The following FNDC3A variants were observed in gnomAD, a reference collection of about 807,000 sequenced individuals.
FNDC3A encodes the protein fibronectin type-III domain-containing protein 3A.
Under a neutral mutation model 148.9 loss-of-function variants are expected in FNDC3A, and 32 were observed. That is an observed-to-expected ratio of 0.21 (90% CI 0.16 to 0.29). The LOEUF (loss-of-function observed/expected upper bound fraction) is 0.29, where lower values mean the gene tolerates loss of function less well. Ranked by LOEUF, FNDC3A falls within the 10% of genes least tolerant of loss-of-function variation. FNDC3A has a pLI of 1.00. For missense variants in FNDC3A, 1,191 were observed against 1,452.8 expected (o/e 0.82, Z 2.93); for synonymous variants, 472 against 473.6 (o/e 1.00, Z 0.04).
chr13:49,019,511 C>T (rs1873148930), intron 2 of FNDC3A, among the ~76,000 whole-genome samples: 2 of 152,318 alleles, frequency 1.3e-5, no homozygotes, highest in Admixed American at 1.3e-4. Context: ...CTGGCACTCC[C>T]TAGTGAGATG....
chr13:49,200,946 T>C (rs1886391937), intron 23 of FNDC3A, among the ~76,000 whole-genome samples: 2 of 151,994 alleles, frequency 1.3e-5, no homozygotes, highest in Non-Finnish European at 2.9e-5. Context: ...TACCACTATT[T>C]TTTTTTCCTG....
chr13:49,021,723 C>T (rs77025225), intron 2 of FNDC3A, among the ~76,000 whole-genome samples: 7 of 152,236 alleles, frequency 4.6e-5, no homozygotes, highest in Middle Eastern at 3.4e-3. Flanking sequence ...TGACGATTTA[C>T]GCCTGTGTTC....
chr13:49,156,147 G>C (rs1883662090), intron 8 of FNDC3A, among the ~76,000 whole-genome samples: 2 of 148,344 alleles, frequency 1.3e-5, no homozygotes, highest in Admixed American at 6.7e-5. Context: ...ATTAATGTGT[G>C]GGAGTCTAAG....
chr13:48,994,492 G>T (rs1951984817), intron 1 of FNDC3A, among the ~76,000 whole-genome samples: 1 of 152,142 alleles, frequency 6.6e-6, no homozygotes, highest in African/African-American at 2.4e-5. Context: ...TGAAATATTT[G>T]CTGTGGTTGA....
intron 2 of FNDC3A, among the ~76,000 whole-genome samples, chr13:49,017,177 G>T (rs1272000215): frequency 6.6e-6 from 1 of 151,986 alleles, no homozygotes; most frequent in Non-Finnish European, 1.5e-5. Context: ...CTGTCTCGTT[G>T]ATCTGTCTAA....
At chr13:48,987,305 A>G (rs1951825176) in intron 1 of FNDC3A, among the ~76,000 whole-genome samples, 1 of 152,212 alleles carries the variant, frequency 6.6e-6, no homozygotes, top group Non-Finnish European at 1.5e-5. Flanking sequence ...TGTGCACACT[A>G]TCAGTCCTTT....
chr13:49,111,244 A>G (rs750207632), intron 3 of FNDC3A, among the ~76,000 whole-genome samples: 2 of 152,206 alleles, frequency 1.3e-5, no homozygotes, highest in Non-Finnish European at 2.9e-5. Flanking sequence ...TAAATATGCA[A>G]GGCTTTAAGG....
intron 1 of FNDC3A, among the ~76,000 whole-genome samples, chr13:48,979,782 T>G (rs1463343387): frequency 6.6e-6 from 1 of 152,164 alleles, no homozygotes; most frequent in Non-Finnish European, 1.5e-5. Context: ...ATTTTAGGTT[T>G]TGCAGGCCAT....
chr13:49,131,029 G>A, intron 4 of FNDC3A, 108 bp from the exon 5 acceptor site: 1 of 803,806 alleles, frequency 1.2e-6, no homozygotes, highest in Non-Finnish European at 2.1e-6. Flanking sequence ...GCCTCCCAAA[G>A]TGCTGGGACT....
At chr13:49,181,829 T>C (rs1885319557) in intron 14 of FNDC3A, among the ~76,000 whole-genome samples, 1 of 152,188 alleles carries the variant, frequency 6.6e-6, no homozygotes, top group Non-Finnish European at 1.5e-5. Context: ...ATATGATTAA[T>C]GTAAAGTGAA....
chr13:48,986,692 G>A (rs1951811127), intron 1 of FNDC3A, among the ~76,000 whole-genome samples: 1 of 151,904 alleles, frequency 6.6e-6, no homozygotes, highest in Non-Finnish European at 1.5e-5. Context: ...CACTGCGCCT[G>A]GCCCGGAAGG....
chr13:49,091,581 A>G (rs1879194059), intron 3 of FNDC3A, among the ~76,000 whole-genome samples: 1 of 152,200 alleles, frequency 6.6e-6, no homozygotes, highest in Non-Finnish European at 1.5e-5. Flanking sequence ...TTGTCCTTCA[A>G]GAATGTCCTA....
At chr13:49,106,314 TTTTA>T (rs1044841240) in intron 3 of FNDC3A, among the ~76,000 whole-genome samples, 1 of 152,118 alleles carries the variant, frequency 6.6e-6, no homozygotes, top group African/African-American at 2.4e-5. Context: ...CCCTACTCTG[TTTTA>T]TTTGTTTCTT....
At chr13:49,139,253 G>A (rs946784549) in intron 7 of FNDC3A, among the ~76,000 whole-genome samples, 14 of 152,142 alleles carry the variant, frequency 9.2e-5, no homozygotes, top group African/African-American at 3.4e-4. Flanking sequence ...GTAAGCATGG[G>A]GAGTTGGACA....
chr13:49,144,013 GCTACTACTACTACTA>G (rs1236746605), intron 7 of FNDC3A, among the ~76,000 whole-genome samples: 11 of 142,124 alleles, frequency 7.7e-5, no homozygotes, highest in African/African-American at 1.6e-4. Context: ...TACTACTACT[GCTACTACTACTACTA>G]CTACTAATAA....
intron 14 of FNDC3A, among the ~76,000 whole-genome samples, chr13:49,178,955 C>T (rs1439131741): frequency 1.3e-5 from 2 of 152,088 alleles, no homozygotes; most frequent in African/African-American, 2.4e-5. Context: ...TCACACTCCT[C>T]GGTTCAAGTG....
chr13:49,107,934 G>A (rs1367447234), intron 3 of FNDC3A, among the ~76,000 whole-genome samples: 1 of 152,072 alleles, frequency 6.6e-6, no homozygotes, highest in African/African-American at 2.4e-5. Context: ...TCAGGAGATG[G>A]GGAAGTCAAA....
At chr13:49,188,419 A>G (rs1885700995) in intron 16 of FNDC3A, 96 bp from the exon 17 acceptor site, 1 of 726,690 alleles carries the variant, frequency 1.4e-6, no homozygotes, top group Non-Finnish European at 2.4e-6. Flanking sequence ...TTACACAAAT[A>G]CTTACTTTGT....
chr13:49,101,851 G>C (rs1312016917), intron 3 of FNDC3A, among the ~76,000 whole-genome samples: 1 of 143,090 alleles, frequency 7.0e-6, no homozygotes, highest in Non-Finnish European at 1.5e-5. Flanking sequence ...GTATGGCAGT[G>C]TGGGCAATAC....
Sources: gnomAD v4.1 joint callset for allele counts (sites outside exome capture counted in the v4.1 genomes callset) on GRCh38, gnomAD v4.1.1 for gene constraint, MANE v1.5 for transcripts, NCBI Gene and HGNC (gene_info 2026-07-23, HGNC 2026-07-21) for gene names.